GALNT13: variants seen among roughly 807,000 people sequenced by gnomAD.
GALNT13 encodes UDP-GalNAc:polypeptide N-acetylgalactosaminyltransferase 13.
GALNT13 carries 28 observed loss-of-function variants against 64.2 expected under a neutral mutation model. The ratio of observed to expected loss-of-function variants is 0.44; its 90% CI spans 0.32 to 0.60. GALNT13 has a LOEUF of 0.60. GALNT13 is among the 20% of genes least tolerant of loss of function. The pLI is 0.05. For synonymous variants in GALNT13, 214 were observed against 224.6 expected (o/e 0.95, Z 0.42); for missense variants, 577 against 669.8 (o/e 0.86, Z 1.53).
chr2:154,346,124 C>G (rs529471280), intron 9 of GALNT13, among the ~76,000 whole-genome samples: 2 of 151,820 alleles, frequency 1.3e-5, no homozygotes, highest in East Asian at 3.9e-4. Flanking sequence ...TTGAGGGTAA[C>G]CATTTAACCT....
At chr2:154,177,311 A>ATATATAGTTGAAACCATAG (rs140801295) in intron 4 of GALNT13, among the ~76,000 whole-genome samples, 2,634 of 152,228 alleles carry the variant, frequency 0.017, 81 homozygotes, top group African/African-American at 0.059. Context: ...TAGAAAGGTT[A>ATATATAGTTGAAACCATAG]TATATAGTTG....
the GALNT13 span, among the ~76,000 whole-genome samples, chr2:153,591,138 CAT>C: frequency 6.6e-6 from 1 of 152,004 alleles, no homozygotes; most frequent in Non-Finnish European, 1.5e-5. Context: ...TAAAAATTGA[CAT>C]ATAGAAATCA....
chr2:153,725,271 A>C, the GALNT13 span, among the ~76,000 whole-genome samples: 1 of 150,586 alleles, frequency 6.6e-6, no homozygotes, highest in South Asian at 2.2e-4. Context: ...TCACATGGAC[A>C]CAGGAAGGGG....
the GALNT13 span, among the ~76,000 whole-genome samples, chr2:153,719,977 C>A: frequency 6.6e-6 from 1 of 151,972 alleles, no homozygotes; most frequent in African/African-American, 2.4e-5. Flanking sequence ...AGGAGGCCTG[C>A]CTGCCTCTAT....
Position 154,110,530 on chromosome 2 carries a change from T to C in GALNT13, c.143-29807T>C, listed in dbSNP as rs548921278. The stretch of plus-strand genomic sequence containing the variant: ...AAATTGAAAAACTAGGAGTCCGATG[T>C]TCGAGGGCAGAAAGCATCGAGCACA... On this transcript the variant is annotated intron_variant, in intron 3 of 12. Coordinates refer to ENST00000392825, the MANE Select transcript of GALNT13 (RefSeq NM_052917.4). Among the ~76,000 whole-genome samples the C allele has an allele frequency of 4.0e-5, 6 of 151,436 alleles. 1 individual carries two copies. Among genetic ancestry groups the C allele is most frequent in the Admixed American group, 3.3e-4 (5 of 15,148 alleles).
the GALNT13 span, among the ~76,000 whole-genome samples, chr2:153,507,833 C>T: frequency 3.3e-5 from 5 of 152,028 alleles, no homozygotes; most frequent in African/African-American, 9.7e-5. Flanking sequence ...GAAGAGCTGC[C>T]GTTTAGATTA....
chr2:153,830,719 T>C, the GALNT13 span, among the ~76,000 whole-genome samples: 1 of 152,174 alleles, frequency 6.6e-6, no homozygotes, highest in Non-Finnish European at 1.5e-5. Flanking sequence ...AGAACTGTTA[T>C]CTCTTTTTGC....
At chr2:153,091,691 T>C in the GALNT13 span, among the ~76,000 whole-genome samples, 2 of 152,202 alleles carry the variant, frequency 1.3e-5, no homozygotes, top group Non-Finnish European at 2.9e-5. Context: ...AGTTGTTTTT[T>C]CTTATTGGGT....
intron 4 of GALNT13, among the ~76,000 whole-genome samples, chr2:154,238,619 CTAGA>C (rs1689319159): frequency 6.6e-6 from 1 of 151,800 alleles, no homozygotes. Flanking sequence ...TTTAAGATAA[CTAGA>C]TAAACTGACA....
At chr2:153,080,418 G>C in the GALNT13 span, among the ~76,000 whole-genome samples, 1 of 152,020 alleles carries the variant, frequency 6.6e-6, no homozygotes, top group Admixed American at 6.6e-5. Flanking sequence ...TGGTTTCATA[G>C]TTCTCCTTTG....
At chr2:154,133,656 A>G (rs2105556520) in intron 3 of GALNT13, among the ~76,000 whole-genome samples, 1 of 148,714 alleles carries the variant, frequency 6.7e-6, no homozygotes, top group Admixed American at 6.8e-5. Flanking sequence ...TGATAATAGA[A>G]CTAGATTGTC....
the GALNT13 span, among the ~76,000 whole-genome samples, chr2:153,760,034 C>A: frequency 6.6e-6 from 1 of 151,900 alleles, no homozygotes; most frequent in Non-Finnish European, 1.5e-5. Context: ...TATGTATCTA[C>A]GAATTTATCC....
At chr2:154,126,501 G>A (rs542567917) in intron 3 of GALNT13, among the ~76,000 whole-genome samples, 4 of 152,160 alleles carry the variant, frequency 2.6e-5, no homozygotes, top group South Asian at 2.1e-4. Context: ...TGGGCGTGGT[G>A]GTGGGCGCCG....
chr2:154,034,699 G>C (rs574748857), intron 3 of GALNT13, among the ~76,000 whole-genome samples: 1 of 152,192 alleles, frequency 6.6e-6, no homozygotes, highest in South Asian at 2.1e-4. Context: ...GTGGTATTTG[G>C]CTTTCTGTTT....
At chr2:153,404,465 T>C in the GALNT13 span, among the ~76,000 whole-genome samples, 1 of 152,234 alleles carries the variant, frequency 6.6e-6, no homozygotes, top group Non-Finnish European at 1.5e-5. Context: ...TCCTGTTCTT[T>C]GCTGTTAGAA....
the GALNT13 span, among the ~76,000 whole-genome samples, chr2:153,254,284 A>T: frequency 0.034 from 5,094 of 152,050 alleles, 284 homozygotes; most frequent in African/African-American, 0.12. Context: ...CTCTGATGGT[A>T]GTTTGTATTT....
chr2:154,112,501 C>T (rs1418035528), intron 3 of GALNT13, among the ~76,000 whole-genome samples: 1 of 152,202 alleles, frequency 6.6e-6, no homozygotes, highest in East Asian at 1.9e-4. Flanking sequence ...GAGGTCCATC[C>T]ACATCCCTCT....
the GALNT13 span, among the ~76,000 whole-genome samples, chr2:153,635,000 A>C: frequency 0.3 from 45,768 of 151,856 alleles, 7,090 homozygotes; most frequent in South Asian, 0.43. Context: ...GTTGAGAAAA[A>C]TTAGGTGCTA....
chr2:153,437,544 CTCT>C, the GALNT13 span, among the ~76,000 whole-genome samples: 4 of 152,248 alleles, frequency 2.6e-5, no homozygotes, highest in East Asian at 7.7e-4. Context: ...GGATAGTTAG[CTCT>C]TCTTGTTGAA....
Sources: gnomAD v4.1 joint callset for allele counts (sites outside exome capture counted in the v4.1 genomes callset) on GRCh38, gnomAD v4.1.1 for gene constraint, MANE v1.5 for transcripts, NCBI Gene and HGNC (gene_info 2026-07-23, HGNC 2026-07-21) for gene names.